Variants in WDR19 observed in about 807,000 individuals in gnomAD.
The protein encoded by WDR19 is WD repeat domain 19.
A neutral mutation model predicts 180.0 loss-of-function variants in WDR19; 121 were observed. The ratio of observed to expected loss-of-function variants is 0.67; its 90% CI spans 0.58 to 0.78. WDR19 has a LOEUF of 0.78. WDR19 is among the 30% of genes least tolerant of loss of function. The pLI is 0.00. For synonymous variants in WDR19, 497 were observed against 540.7 expected (o/e 0.92, Z 1.12); for missense variants, 1,450 against 1,640.7 (o/e 0.88, Z 2.01).
chr4:39,257,148 A>G (rs912264306), intron 27 of WDR19, among the ~76,000 whole-genome samples: 1 of 152,210 alleles, frequency 6.6e-6, no homozygotes, highest in African/African-American at 2.4e-5. Flanking sequence ...CATGGGATCT[A>G]GCGAAGTCCC....
At chr4:39,248,996 A>G (rs975133910) in intron 24 of WDR19, among the ~76,000 whole-genome samples, 1 of 152,208 alleles carries the variant, frequency 6.6e-6, no homozygotes, top group Non-Finnish European at 1.5e-5. Flanking sequence ...GCTCTGCACC[A>G]AGCAGACCTA....
chr4:39,210,973 C>T (rs1560496096), intron 9 of WDR19, among the ~76,000 whole-genome samples: 1 of 151,932 alleles, frequency 6.6e-6, no homozygotes, highest in Non-Finnish European at 1.5e-5. Flanking sequence ...CCCATCTCTA[C>T]AAGTTACCTG....
intron 20 of WDR19, 25 bp from the exon 21 acceptor site, chr4:39,240,252 A>C: frequency 8.0e-7 from 1 of 1,256,634 alleles, no homozygotes; most frequent in Non-Finnish European, 1.0e-6. Flanking sequence ...AAAATTATTA[A>C]AATTCACTCT....
chr4:39,277,042 G>C lies in WDR19; in HGVS notation c.3739G>C (p.Glu1247Gln). 6.2e-7 allele frequency: 1 copy of C among 1,613,894 alleles called. No homozygotes were observed. Among genetic ancestry groups the C allele is most frequent in the Non-Finnish European group, 8.5e-7 (1 of 1,179,842 alleles). The change falls in exon 34 of 37, where the codon GAA becomes CAA. Residue 1247 changes from glutamate to glutamine, a missense_variant. Coordinates refer to ENST00000399820, the MANE Select transcript of WDR19 (RefSeq NM_025132.4). ...MVRRPDISEI[E>Q]EATTPCPFCK... ...CAGGAGACCCGATATATCTGAGATA[G>C]AAGAGGCCACGACTCCATGTCCATT...
intron 28 of WDR19, among the ~76,000 whole-genome samples, chr4:39,260,708 G>C (rs894670627): frequency 2.0e-5 from 3 of 152,128 alleles, no homozygotes; most frequent in African/African-American, 7.2e-5. Flanking sequence ...TTGACTTCTG[G>C]AGTTTGGGAA....
chr4:39,204,854 C>T (rs1027514837), intron 7 of WDR19, among the ~76,000 whole-genome samples: 9 of 152,140 alleles, frequency 5.9e-5, no homozygotes, highest in African/African-American at 2.2e-4. Context: ...AACTGTCAGA[C>T]TTACAATCCT....
In WDR19 at chr4:39,186,697, C is replaced by A. The variant is rs1213430497; in HGVS notation, c.164+93C>A. ...CCTTAAAATTATAATCAGATGGAAT[C>A]TTTTGCTTCTTCCATTTGCAAAGGG... On this transcript the variant is annotated intron_variant, in intron 3 of 36. Transcript: ENST00000399820. 11 of 834,664 alleles carry A rather than the reference C, an allele frequency of 1.3e-5. No individual in the cohort carries two copies. The East Asian group carries it at 2.5e-4, about 19-fold the overall frequency. 51.7% of individuals were successfully genotyped at this position (834,664 alleles called of 1,614,324 possible).
At chr4:39,226,227 A>G (rs1031877162) in intron 15 of WDR19, among the ~76,000 whole-genome samples, 2 of 152,186 alleles carry the variant, frequency 1.3e-5, no homozygotes, top group Non-Finnish European at 2.9e-5. Flanking sequence ...GGAAAAGGGT[A>G]AGGAGTAAGG....
chr4:39,260,882 A>G (rs975925169), intron 28 of WDR19, among the ~76,000 whole-genome samples: 2 of 151,886 alleles, frequency 1.3e-5, no homozygotes, highest in African/African-American at 4.8e-5. Context: ...AACCCTAATT[A>G]CCTCCCAGAT....
chr4:39,210,518 A>G (rs1394186296), intron 9 of WDR19, among the ~76,000 whole-genome samples: 1 of 151,998 alleles, frequency 6.6e-6, no homozygotes, highest in East Asian at 1.9e-4. Context: ...CCCCATCTCT[A>G]AAACAAAATA....
chr4:39,279,462 T>C (rs1405499294), intron 36 of WDR19, among the ~76,000 whole-genome samples: 12 of 152,340 alleles, frequency 7.9e-5, no homozygotes, highest in Middle Eastern at 6.8e-3. Flanking sequence ...TCTCTTGGCT[T>C]TTTATTGCAC....
At chr4:39,218,305 T>G (rs1360401616) in intron 14 of WDR19, 200 bp downstream of exon 14, 4 of 690,328 alleles carry the variant, frequency 5.8e-6, no homozygotes, top group Non-Finnish European at 9.4e-6. Flanking sequence ...TTGGGCAATT[T>G]CATCATTGTG....
chr4:39,185,841 A>C lies in WDR19; in HGVS notation c.98+24A>C, dbSNP rs764412002. 1.6e-5 allele frequency: 25 copies of C among 1,528,650 alleles called. No individual in the cohort carries two copies. The Admixed American group carries it at 4.7e-4, about 29-fold the overall frequency. The allele number at this position is 1,528,650 out of a possible 1,614,324, so 94.7% of individuals were successfully genotyped here. ...GGGTAAGAAACCAATGAATGTTTTAAGCAGTGGTTGCATGCCCATGTAATC... is the reference window on the plus strand; with the variant it reads ...GGGTAAGAAACCAATGAATGTTTTACGCAGTGGTTGCATGCCCATGTAATC... On this transcript the variant is annotated intron_variant, in intron 2 of 36. Transcript: ENST00000399820.
chr4:39,280,119 GTTTTTT>G (rs551041321), intron 36 of WDR19, among the ~76,000 whole-genome samples: 2 of 53,974 alleles, frequency 3.7e-5, no homozygotes, highest in South Asian at 8.0e-4. Context: ...CCCTTTTCTT[GTTTTTT>G]TTTTTTTTTT....
chr4:39,266,226 C>T (rs1734779535), intron 29 of WDR19, 86 bp downstream of exon 29: 1 of 1,251,100 alleles, frequency 8.0e-7, no homozygotes, highest in African/African-American at 1.5e-5. Flanking sequence ...GCTTTTACAA[C>T]ATAGACATGA....
Position 39,218,397 on chromosome 4 carries a change from C to G in WDR19, c.1479+292C>G, listed in dbSNP as rs144375624. The G allele has an allele frequency of 1.5e-3, 595 of 385,776 alleles. 2 individuals carry two copies. Among genetic ancestry groups the G allele is most frequent in the African/African-American group, 0.011 (549 of 49,092 alleles). 23.9% of individuals were successfully genotyped at this position (385,776 alleles called of 1,614,324 possible). On this transcript the variant is annotated intron_variant, in intron 14 of 36. Transcript: ENST00000399820. ...AGCCTGTGTGGTAGAGCCTATTGCTCCTAGGCTACAAACCAGTACAGCATG... is the reference window on the plus strand; with the variant it reads ...AGCCTGTGTGGTAGAGCCTATTGCTGCTAGGCTACAAACCAGTACAGCATG...
At chr4:39,272,016 A>G (rs1020718346) in intron 31 of WDR19, among the ~76,000 whole-genome samples, 1 of 152,186 alleles carries the variant, frequency 6.6e-6, no homozygotes, top group Non-Finnish European at 1.5e-5. Context: ...GCTGATTCTA[A>G]GGGAAATGCA....
At chr4:39,217,617 T>TG (rs932288969) in intron 13 of WDR19, among the ~76,000 whole-genome samples, 52 of 152,060 alleles carry the variant, frequency 3.4e-4, no homozygotes, top group Non-Finnish European at 4.3e-4. Context: ...GCATTTTGTG[T>TG]GGGGGGGTCT....
At chr4:39,228,832 T>A in intron 17 of WDR19, 142 bp downstream of exon 17, 2 of 912,796 alleles carry the variant, frequency 2.2e-6, no homozygotes, top group Non-Finnish European at 3.2e-6. Context: ...AATGTAGAAG[T>A]ACAAGTGCAG....
Sources: allele counts gnomAD v4.1 joint callset (sites outside exome capture counted in the v4.1 genomes callset), GRCh38; gene constraint gnomAD v4.1.1; transcripts MANE v1.5; gene names NCBI Gene and HGNC (gene_info 2026-07-23, HGNC 2026-07-21).